Variants in GPM6A observed in about 807,000 individuals in gnomAD.
GPM6A encodes neuronal membrane glycoprotein M6-a.
GPM6A carries 7 observed loss-of-function variants against 32.1 expected under a neutral mutation model. The ratio of observed to expected loss-of-function variants is 0.22; its 90% confidence interval spans 0.12 to 0.41. The LOEUF is 0.41. Among genes scored for constraint, GPM6A ranks in the 10% least tolerant of loss-of-function variants. The pLI is 1.00. For synonymous variants in GPM6A, 130 were observed against 123.4 expected (o/e 1.05, Z -0.35); for missense variants, 235 against 347.2 (o/e 0.68, Z 2.57).
At chr4:175,987,416 G>C (rs983020449) in intron 1 of GPM6A, among the ~76,000 whole-genome samples, 1 of 151,992 alleles carries the variant, frequency 6.6e-6, no homozygotes, top group African/African-American at 2.4e-5. Flanking sequence ...TCATTTGATT[G>C]AAGTTTGTCT....
chr4:175,727,609 C>A (rs1322051338), intron 1 of GPM6A, among the ~76,000 whole-genome samples: 1 of 152,152 alleles, frequency 6.6e-6, no homozygotes, highest in Non-Finnish European at 1.5e-5. Context: ...ATTTGTGTCT[C>A]ATAGTTAACT....
intron 3 of GPM6A, among the ~76,000 whole-genome samples, chr4:175,653,008 T>G (rs1357601446): frequency 6.6e-6 from 1 of 152,136 alleles, no homozygotes; most frequent in African/African-American, 2.4e-5. Context: ...ATATACTGAA[T>G]GAAACTAGAC....
At chr4:175,767,508 G>A (rs1056572319) in intron 1 of GPM6A, among the ~76,000 whole-genome samples, 2 of 152,216 alleles carry the variant, frequency 1.3e-5, no homozygotes, top group Admixed American at 6.5e-5. Flanking sequence ...TTCGTCTAGT[G>A]TTTTAACCAG....
chr4:175,931,297 A>T (rs1284723662), intron 1 of GPM6A, among the ~76,000 whole-genome samples: 3 of 152,198 alleles, frequency 2.0e-5, no homozygotes, highest in Non-Finnish European at 2.9e-5. Flanking sequence ...CACAGAAATT[A>T]AATCCTACAA....
chr4:175,811,935 G>T, intron 1 of GPM6A: 1 of 342,326 alleles, frequency 2.9e-6, no homozygotes, highest in Non-Finnish European at 5.2e-6. Flanking sequence ...CTAAGGAATA[G>T]TTCACTACAA....
At chr4:175,696,503 C>T (rs1164160630) in intron 2 of GPM6A, among the ~76,000 whole-genome samples, 1 of 152,044 alleles carries the variant, frequency 6.6e-6, no homozygotes, top group Non-Finnish European at 1.5e-5. Flanking sequence ...TGAAATATTG[C>T]CTAATGAAAT....
At chr4:175,742,879 G>C (rs1433179371) in intron 1 of GPM6A, among the ~76,000 whole-genome samples, 2 of 152,056 alleles carry the variant, frequency 1.3e-5, no homozygotes, top group Non-Finnish European at 2.9e-5. Flanking sequence ...AGGCATGGTG[G>C]CTCATGCCTG....
At chr4:175,921,374 T>C (rs1326645045) in intron 1 of GPM6A, among the ~76,000 whole-genome samples, 7 of 152,164 alleles carry the variant, frequency 4.6e-5, no homozygotes, top group Non-Finnish European at 1.0e-4. Context: ...ATGCACTTTT[T>C]CCAATTCATT....
rs540779975 is a variant in GPM6A, at chr4:175,865,454, T to C, written c.-22-53205A>G. Reference sequence around the variant, plus strand: ...GTAAATTTAAGAATGAGTTAGAATATTTCTACAAAAAATCTGAGTGGGTTC... The same window carrying C: ...GTAAATTTAAGAATGAGTTAGAATACTTCTACAAAAAATCTGAGTGGGTTC... On this transcript the variant is annotated intron_variant, in intron 1 of 7. Transcript: ENST00000280187. Among the ~76,000 whole-genome samples the C allele has an allele frequency of 2.2e-3, 332 of 152,322 alleles. 1 individual carries two copies. Among genetic ancestry groups the C allele is most frequent in the African/African-American group, 7.5e-3 (311 of 41,588 alleles).
chr4:175,920,621 G>A (rs1021479488), intron 1 of GPM6A, among the ~76,000 whole-genome samples: 4 of 152,134 alleles, frequency 2.6e-5, no homozygotes, highest in African/African-American at 9.7e-5. Flanking sequence ...GCCGAGGCAG[G>A]TGGATTGCCT....
chr4:175,636,805 A>T (rs1459820595), intron 6 of GPM6A, among the ~76,000 whole-genome samples: 1 of 146,510 alleles, frequency 6.8e-6, no homozygotes, highest in Non-Finnish European at 1.5e-5. Context: ...AAAAAAATAC[A>T]TATATATATT....
chr4:175,809,428 C>G (rs1579527210), intron 1 of GPM6A, among the ~76,000 whole-genome samples: 1 of 151,090 alleles, frequency 6.6e-6, no homozygotes. Context: ...TGGCTGCACA[C>G]AAGATGAAGT....
intron 3 of GPM6A, among the ~76,000 whole-genome samples, chr4:175,662,182 C>T (rs1742459068): frequency 6.6e-6 from 1 of 152,116 alleles, no homozygotes; most frequent in African/African-American, 2.4e-5. Flanking sequence ...TGTGATTCTA[C>T]CTCCCTGTAT....
intron 1 of GPM6A, among the ~76,000 whole-genome samples, chr4:175,915,852 T>G: frequency 6.6e-6 from 1 of 152,182 alleles, no homozygotes; most frequent in East Asian, 1.9e-4. Flanking sequence ...TGGTTTGTTG[T>G]TTTGCTTTGT....
At chr4:175,653,723 T>G (rs1028137627) in intron 3 of GPM6A, among the ~76,000 whole-genome samples, 1 of 152,084 alleles carries the variant, frequency 6.6e-6, no homozygotes, top group Non-Finnish European at 1.5e-5. Flanking sequence ...AGGATTTCAG[T>G]CACGTAAGGC....
At chr4:175,763,217 T>G (rs1440072490) in intron 1 of GPM6A, among the ~76,000 whole-genome samples, 1 of 152,242 alleles carries the variant, frequency 6.6e-6, no homozygotes, top group Non-Finnish European at 1.5e-5. Flanking sequence ...TTTCACCATA[T>G]TGGCCAGGCT....
At chr4:175,702,182 CAG>C (rs1391246286) in intron 1 of GPM6A, among the ~76,000 whole-genome samples, 1 of 151,976 alleles carries the variant, frequency 6.6e-6, no homozygotes, top group African/African-American at 2.4e-5. Context: ...TTTTTTGTAA[CAG>C]ATATTTTTAT....
intron 1 of GPM6A, among the ~76,000 whole-genome samples, chr4:175,716,413 A>C (rs1457263025): frequency 1.3e-5 from 2 of 152,176 alleles, no homozygotes; most frequent in Non-Finnish European, 2.9e-5. Flanking sequence ...AAGAGTGTTT[A>C]TGTAGGTTTG....
intron 1 of GPM6A, among the ~76,000 whole-genome samples, chr4:175,862,642 T>C (rs989385093): frequency 6.6e-6 from 1 of 152,180 alleles, no homozygotes; most frequent in Non-Finnish European, 1.5e-5. Context: ...TTGGAGCACG[T>C]GGCAATGTTC....
Sources: allele counts gnomAD v4.1 joint callset (sites outside exome capture counted in the v4.1 genomes callset), GRCh38; gene constraint gnomAD v4.1.1; transcripts MANE v1.5; gene names NCBI Gene and HGNC (gene_info 2026-07-23, HGNC 2026-07-21).